LARGE2: variants seen among roughly 807,000 people sequenced by gnomAD.
The protein encoded by LARGE2 is xylosyl- and glucuronyltransferase LARGE2.
In LARGE2, 63 loss-of-function variants were observed where a neutral mutation model predicts 75.3. The ratio of observed to expected loss-of-function variants is 0.84; its 90% confidence interval spans 0.68 to 1.03. LARGE2 has a LOEUF of 1.03. Among genes scored for constraint, LARGE2 ranks in the 50% least tolerant of loss-of-function variants. LARGE2 has a pLI of 0.00. For missense variants in LARGE2, 925 were observed against 980.6 expected, an observed-to-expected ratio of 0.94 and a Z score of 0.76; for synonymous variants, 428 against 420.1, an observed-to-expected ratio of 1.02 and a Z score of -0.23.
At chr11:45,925,865 TA>T (rs1170690418) in intron 6 of LARGE2, among the ~76,000 whole-genome samples, 173 bp from the exon 7 acceptor site, 2 of 152,014 alleles carry the variant, frequency 1.3e-5, no homozygotes, top group East Asian at 3.9e-4. Context: ...ACCCTGTCTC[TA>T]AAAAACAAAA....
At chr11:45,925,026 A>G in intron 6 of LARGE2, 137 bp downstream of exon 6, 1 of 559,466 alleles carries the variant, frequency 1.8e-6, no homozygotes, top group Non-Finnish European at 3.1e-6. Context: ...GAAGAGACAG[A>G]CAGCAGTTCC....
Position 45,924,979 on chromosome 11 carries a change from C to T in LARGE2, c.769+90C>T, listed in dbSNP as rs547491450. 9.9e-5 allele frequency: 71 copies of T among 715,120 alleles called. 1 individual carries two copies. Among genetic ancestry groups the T allele is most frequent in the South Asian group, 9.9e-4 (41 of 41,452 alleles). 44.3% of individuals were successfully genotyped at this position (715,120 alleles called of 1,614,324 possible). On this transcript the variant is annotated intron_variant, in intron 6 of 13. Transcript: ENST00000401752. ...GTGGGGCAAAGAATGCTAGGAAGTCCCCCAGGAAGAACATTGCTGTGAAAA... is the reference window on the plus strand; with the variant it reads ...GTGGGGCAAAGAATGCTAGGAAGTCTCCCAGGAAGAACATTGCTGTGAAAA...
chr11:45,923,451 C>G, intron 2 of LARGE2, 22 bp from the exon 3 acceptor site: 1 of 1,611,264 alleles, frequency 6.2e-7, no homozygotes, highest in African/African-American at 1.3e-5. Flanking sequence ...GGGCTGCTGC[C>G]GACCTGGGCG....
Position 45,924,519 on chromosome 11 carries a change from G to A in LARGE2, c.506G>A (p.Trp169Ter). 3 of 1,612,768 alleles carry A rather than the reference G, an allele frequency of 1.9e-6. No individual in the cohort carries two copies. The African/African-American group carries it at 4.0e-5, about 22-fold the overall frequency. The stretch of plus-strand genomic sequence containing the variant: ...TCCCCCACACAGCCCCAGGTCTCCT[G>A]GATCCCCAACAAGCACTACTCCGGC... ...HADQLKPQVS[W>*]IPNKHYSGLY... The change falls in exon 5 of 14, where the codon TGG becomes TAG. Residue 169 changes from tryptophan (W) to a stop codon, truncating the protein, a stop_gained. Transcript: ENST00000401752. LOFTEE classifies it high-confidence loss of function.
In LARGE2 at chr11:45,929,002, TG is replaced by T; in HGVS notation, c.*161del. The T allele has an allele frequency of 1.0e-6, 1 of 969,580 alleles. No homozygotes were observed. Among genetic ancestry groups the T allele is most frequent in the Non-Finnish European group, 1.5e-6 (1 of 663,310 alleles). 60.1% of individuals were successfully genotyped at this position (969,580 alleles called of 1,614,324 possible). A position where few individuals can be genotyped will look rare whatever the true frequency, so the allele number is the denominator to read the frequency against. Reference sequence around the variant, plus strand: ...CTTCCCCTTGCTGCTATTGTATGGCTGGGGACTGGTCTCTCTCTGCCCCAGC... The same window carrying T: ...CTTCCCCTTGCTGCTATTGTATGGCTGGGACTGGTCTCTCTCTGCCCCAGC... On this transcript the variant is annotated 3_prime_UTR_variant, in exon 14 of 14. Transcript: ENST00000401752.
At chr11:45,924,748 C>T in intron 5 of LARGE2, 37 bp from the exon 6 acceptor site, 1 of 1,520,506 alleles carries the variant, frequency 6.6e-7, no homozygotes, top group East Asian at 2.4e-5. Flanking sequence ...GGTCCTGTGG[C>T]AGCTTCAGAC....
chr11:45,926,844 C>T lies in LARGE2; in HGVS notation c.1298C>T (p.Thr433Ile). 1 of 1,612,356 alleles carries T rather than the reference C, an allele frequency of 6.2e-7. No homozygotes were observed. Among genetic ancestry groups the T allele is most frequent in the Non-Finnish European group, 8.5e-7 (1 of 1,179,724 alleles). The change falls in exon 10 of 14, where the codon ACC becomes ATC. Residue 433 changes from threonine (T) to isoleucine (I), a missense_variant. Around this residue, in one of 3 missense-constraint regions of LARGE2, gnomAD observed 469 missense variants for 503.8 expected, o/e 0.93. Transcript: ENST00000401752. ...EPPPPRPHDVTLVAQLSMDRL... is the reference protein window; with the variant it reads ...EPPPPRPHDVILVAQLSMDRL... ...CCACCCCCCCGGCCTCACGATGTCACCCTTGTGGCCCAGCTGTCCATGGAC... is the reference window on the plus strand; with the variant it reads ...CCACCCCCCCGGCCTCACGATGTCATCCTTGTGGCCCAGCTGTCCATGGAC...
chr11:45,921,913 G>T (rs1023445321), upstream of LARGE2, among the ~76,000 whole-genome samples: 2 of 152,164 alleles, frequency 1.3e-5, no homozygotes, highest in African/African-American at 4.8e-5. Context: ...CGCTGTGCTG[G>T]TTTAGGGTCC....
chr11:45,928,044 G>C lies in LARGE2; in HGVS notation c.1729G>C (p.Asp577His). Residue 577 changes from aspartate (D) to histidine (H), a missense_variant, in exon 12 of 14, where the codon GAT becomes CAT. Around this residue, in one of 3 missense-constraint regions of LARGE2, gnomAD observed 469 missense variants for 503.8 expected, o/e 0.93. Transcript: ENST00000401752. ...HSKVELLALL[D>H]AGTLYTFRYH... Reference sequence around the variant, plus strand: ...CAAGGTGGAGCTGTTGGCCTTGCTGGATGCGGGCACTCTCTACACCTTCAG... The same window carrying C: ...CAAGGTGGAGCTGTTGGCCTTGCTGCATGCGGGCACTCTCTACACCTTCAG... 2 of 1,613,952 alleles carry C rather than the reference G, an allele frequency of 1.2e-6. No homozygotes were observed. Among genetic ancestry groups the C allele is most frequent in the Non-Finnish European group, 1.7e-6 (2 of 1,180,026 alleles).
In LARGE2 at chr11:45,927,915, C is replaced by T; in HGVS notation, c.1605-5C>T. Reference sequence around the variant, plus strand: ...TCTCCCCTGCTCATGGGTGCTCCTCCTCAGGGCCTCCATTGAGCAGCTGGG... The same window carrying T: ...TCTCCCCTGCTCATGGGTGCTCCTCTTCAGGGCCTCCATTGAGCAGCTGGG... On this transcript the variant is annotated splice_polypyrimidine_tract_variant and splice_region_variant and intron_variant, in intron 11 of 13. Transcript: ENST00000401752. 6.2e-7 allele frequency: 1 copy of T among 1,612,710 alleles called. No homozygotes were observed. Among genetic ancestry groups the T allele is most frequent in the Non-Finnish European group, 8.5e-7 (1 of 1,179,514 alleles).
In LARGE2 at chr11:45,926,534, T is replaced by C. The variant is rs978166056; in HGVS notation, c.1101T>C (p.Asp367=). 3 of 1,614,154 alleles carry C rather than the reference T, an allele frequency of 1.9e-6. No homozygotes were observed. Among genetic ancestry groups the C allele is most frequent in the Non-Finnish European group, 2.5e-6 (3 of 1,180,022 alleles). Residue 367 remains aspartate (D), a synonymous_variant, in exon 9 of 14, where the codon GAT becomes GAC. Transcript: ENST00000401752. Reference sequence around the variant, plus strand: ...TCTACCTGACCTTCCTGGAGTACGATGGGAACCTGCTGCGGAGAGAGCTCT... The same window carrying C: ...TCTACCTGACCTTCCTGGAGTACGACGGGAACCTGCTGCGGAGAGAGCTCT... ...RNFYLTFLEY[D]GNLLRRELFV... is the part of the protein sequence containing the mutation.
rs1367520900 is a variant in LARGE2, at chr11:45,922,890, C to G, written c.8C>G (p.Pro3Arg). The change falls in exon 2 of 14, where the codon CCC becomes CGC. Residue 3 changes from proline (P) to arginine (R), a missense_variant. Transcript: ENST00000401752. ...GCGCCCCCGTCGGCGGCCATGCTGC[C>G]CCGAGGGCGCCCCCGGGCGCTGGGG... Reference protein sequence around the residue: MLPRGRPRALGAA... With the variant: MLRRGRPRALGAA... The G allele has an allele frequency of 1.6e-6, 2 of 1,271,088 alleles. No individual in the cohort carries two copies. Among genetic ancestry groups the G allele is most frequent in the African/African-American group, 1.6e-5 (1 of 64,382 alleles). The allele number at this position is 1,271,088 out of a possible 1,614,324, so 78.7% of individuals were successfully genotyped here.
Position 45,924,573 on chromosome 11 carries a change from C to T in LARGE2, c.560C>T (p.Pro187Leu). 6.2e-7 allele frequency: 1 copy of T among 1,614,024 alleles called. No individual in the cohort carries two copies. The highest frequency in any genetic ancestry group is 8.5e-7 in the Non-Finnish European group (1 of 1,180,028). Reference protein sequence around the residue: ...GLYGLMKLVLPSALPAELARV... With the variant: ...GLYGLMKLVLLSALPAELARV... The stretch of plus-strand genomic sequence containing the variant: ...TATGGGCTAATGAAGCTGGTGCTGC[C>T]CAGTGCCTTGCCTGCTGAGCTGGCC... The change falls in exon 5 of 14, where the codon CCC (proline) becomes CTC (leucine). Residue 187 changes from proline to leucine, a missense_variant. By Grantham distance (98) the Pro-to-Leu change is moderately conservative. Around this residue, in one of 3 missense-constraint regions of LARGE2, gnomAD observed 453 missense variants for 460.2 expected, o/e 0.98. Coordinates refer to ENST00000401752, the MANE Select transcript of LARGE2 (RefSeq NM_001300721.2).
Position 45,924,775 on chromosome 11 carries a change from C to T in LARGE2, c.665-10C>T. The stretch of plus-strand genomic sequence containing the variant: ...GCTTCAGACAGCTCCCTTATGCCCT[C>T]CCCTCCCAGACACGCAGGCGATCGG... On this transcript the variant is annotated splice_polypyrimidine_tract_variant and intron_variant, in intron 5 of 13. Coordinates refer to ENST00000401752, the MANE Select transcript of LARGE2 (RefSeq NM_001300721.2). 1 of 1,504,938 alleles carries T rather than the reference C, an allele frequency of 6.6e-7. No individual in the cohort carries two copies. The allele number at this position is 1,504,938 out of a possible 1,614,324, so 93.2% of individuals were successfully genotyped here.
Position 45,926,600 on chromosome 11 carries a change from G to A in LARGE2, c.1164+3G>A. ...AGCCCCCACCTGGTGCTGAGCAGGT[G>A]AGAAGGAGTCACCTTCCCCTGCCCC... is the stretch of plus-strand genomic sequence containing the variant. On this transcript the variant is annotated splice_donor_region_variant and intron_variant, in intron 9 of 13. Coordinates refer to ENST00000401752, the MANE Select transcript of LARGE2 (RefSeq NM_001300721.2). The A allele has an allele frequency of 2.5e-6, 4 of 1,614,018 alleles. No homozygotes were observed. Among genetic ancestry groups the A allele is most frequent in the Non-Finnish European group, 3.4e-6 (4 of 1,180,010 alleles).
chr11:45,928,353 T>C lies in LARGE2; in HGVS notation c.1931T>C (p.Ile644Thr), dbSNP rs746696749. 2.5e-6 allele frequency: 4 copies of C among 1,613,874 alleles called. No individual in the cohort carries two copies. Among genetic ancestry groups the C allele is most frequent in the East Asian group, 2.2e-5 (1 of 44,876 alleles). ...VGFGWNKVAH[I>T]VELDAQEYEL... ...TTCGGCTGGAACAAAGTGGCCCACATTGTGGAGCTGGATGCCCAGGTGAGG... is the reference window on the plus strand; with the variant it reads ...TTCGGCTGGAACAAAGTGGCCCACACTGTGGAGCTGGATGCCCAGGTGAGG... The change falls in exon 13 of 14, where the codon ATT becomes ACT. Residue 644 changes from isoleucine (I) to threonine (T), a missense_variant. By Grantham distance (89) the Ile-to-Thr change is moderately conservative. Coordinates refer to ENST00000401752, the MANE Select transcript of LARGE2 (RefSeq NM_001300721.2).
At chr11:45,927,673 C>T in intron 11 of LARGE2, 80 bp downstream of exon 11, 1 of 1,564,990 alleles carries the variant, frequency 6.4e-7, no homozygotes, top group Non-Finnish European at 8.7e-7. Flanking sequence ...GCTTCCATGT[C>T]CCTGCTCCTT....
chr11:45,927,463 G>C lies in LARGE2; in HGVS notation c.1474G>C (p.Val492Leu). Residue 492 changes from valine (V) to leucine (L), a missense_variant, in exon 11 of 14, where the codon GTG becomes CTG. Coordinates refer to ENST00000401752, the MANE Select transcript of LARGE2 (RefSeq NM_001300721.2). ...CCGGCAGGACGTGGCCTACCATGTG[G>C]TGTACCGTGAGGGGCCCCTATACCC... is the stretch of plus-strand genomic sequence containing the variant. Reference protein sequence around the residue: ...AARQDVAYHVVYREGPLYPVN... With the variant: ...AARQDVAYHVLYREGPLYPVN... 6.2e-7 allele frequency: 1 copy of C among 1,614,226 alleles called. No homozygotes were observed. Among genetic ancestry groups the C allele is most frequent in the Non-Finnish European group, 8.5e-7 (1 of 1,180,048 alleles).
At chr11:45,923,628 A>C (rs1328218739) in intron 3 of LARGE2, 73 bp downstream of exon 3, 1 of 1,331,972 alleles carries the variant, frequency 7.5e-7, no homozygotes, top group Non-Finnish European at 1.1e-6. Context: ...TGCTGGTCTC[A>C]GAGCTTCAGC....
Sources: allele counts gnomAD v4.1 joint callset (sites outside exome capture counted in the v4.1 genomes callset), GRCh38; gene constraint gnomAD v4.1.1; regional missense constraint gnomAD v4.1.1; transcripts MANE v1.5; gene names NCBI Gene and HGNC (gene_info 2026-07-23, HGNC 2026-07-21).